The following RIMBP2 variants were observed in gnomAD, a reference collection of about 807,000 sequenced individuals.
The protein encoded by RIMBP2 is RIMS binding protein 2.
A neutral mutation model predicts 118.6 loss-of-function variants in RIMBP2; 48 were observed. The ratio of observed to expected loss-of-function variants is 0.40; its 90% CI spans 0.32 to 0.51. The LOEUF is 0.51. Ranked by LOEUF, RIMBP2 falls within the 20% of genes least tolerant of loss-of-function variation. RIMBP2 has a pLI of 0.41. For synonymous variants in RIMBP2, 762 were observed against 742.9 expected (o/e 1.03, Z -0.42); for missense variants, 1,551 against 1,768.3 (o/e 0.88, Z 2.20).
chr12:130,649,298 A>T (rs377164823), intron 1 of RIMBP2, among the ~76,000 whole-genome samples: 1 of 152,030 alleles, frequency 6.6e-6, no homozygotes, highest in East Asian at 1.9e-4. Flanking sequence ...CGGAGAGATG[A>T]GTGCTCCCGG....
chr12:130,647,218 C>T (rs562314464), intron 1 of RIMBP2, among the ~76,000 whole-genome samples: 61 of 152,234 alleles, frequency 4.0e-4, no homozygotes, highest in African/African-American at 1.4e-3. Context: ...CAAAAATTAG[C>T]GAGGCGTGAT....
At chr12:130,712,563 C>T (rs1037777279) in intron 1 of RIMBP2, among the ~76,000 whole-genome samples, 4 of 152,200 alleles carry the variant, frequency 2.6e-5, no homozygotes, top group Admixed American at 2.0e-4. Flanking sequence ...TCGCCTCCCA[C>T]GATGGCCATG....
intron 1 of RIMBP2, among the ~76,000 whole-genome samples, chr12:130,639,588 A>G (rs1430058030): frequency 6.6e-6 from 1 of 150,898 alleles, no homozygotes; most frequent in African/African-American, 2.4e-5. Context: ...TCTTTTGTAC[A>G]CAGCAAGTGT....
At chr12:130,634,337 T>A (rs1184589891) in intron 1 of RIMBP2, among the ~76,000 whole-genome samples, 1 of 151,896 alleles carries the variant, frequency 6.6e-6, no homozygotes, top group Non-Finnish European at 1.5e-5. Context: ...AAACGCGGAG[T>A]GAGGAAGCGG....
chr12:130,634,330 C>T (rs1359811855), intron 1 of RIMBP2, among the ~76,000 whole-genome samples: 3 of 152,160 alleles, frequency 2.0e-5, no homozygotes, highest in South Asian at 2.1e-4. Context: ...AAGCAAGAAA[C>T]GCGGAGTGAG....
chr12:130,499,341 G>T (rs751280822), intron 4 of RIMBP2, among the ~76,000 whole-genome samples: 5 of 152,200 alleles, frequency 3.3e-5, no homozygotes, highest in Admixed American at 6.5e-5. Context: ...GTATACCTCT[G>T]TGCGGTCTCC....
At chr12:130,438,335 A>ACCCACCCCCCCCCC in intron 12 of RIMBP2, 30 bp downstream of exon 12, 12 of 864,892 alleles carry the variant, frequency 1.4e-5, no homozygotes, top group Non-Finnish European at 2.1e-5. Flanking sequence ...GGCCTAACAA[A>ACCCACCCCCCCCCC]CCCTCCCCAC....
chr12:130,548,722 C>T (rs572443732), intron 2 of RIMBP2, among the ~76,000 whole-genome samples: 66 of 151,982 alleles, frequency 4.3e-4, no homozygotes, highest in Middle Eastern at 3.4e-3. Flanking sequence ...TACAGGCTCC[C>T]ACCACCGTGC....
intron 2 of RIMBP2, among the ~76,000 whole-genome samples, chr12:130,572,235 T>G (rs991329029): frequency 1.1e-5 from 1 of 88,262 alleles, no homozygotes; most frequent in Non-Finnish European, 3.2e-5. Flanking sequence ...AGGAGGGGCC[T>G]CCCACTGCAC....
intron 14 of RIMBP2, among the ~76,000 whole-genome samples, chr12:130,430,868 T>C (rs1188457625): frequency 2.6e-5 from 4 of 152,100 alleles, no homozygotes; most frequent in Non-Finnish European, 5.9e-5. Context: ...TGACCTCAAG[T>C]GATCCACCCG....
In RIMBP2 at chr12:130,436,881, C is replaced by A; in HGVS notation, c.2067G>T (p.Met689Ile). 1 of 1,572,934 alleles carries A rather than the reference C, an allele frequency of 6.4e-7. No individual in the cohort carries two copies. Residue 689 changes from methionine to isoleucine, a missense_variant, in exon 13 of 23, where the codon ATG becomes ATT. By Grantham distance (10) the Met-to-Ile change is conservative (BLOSUM62 1). Transcript: ENST00000690449. ...CCACCCTCTGCGCGGCCTCCCGGGCCATGGCCTTGGCGACGGTGGTGGACA... is the reference window on the plus strand; with the variant it reads ...CCACCCTCTGCGCGGCCTCCCGGGCAATGGCCTTGGCGACGGTGGTGGACA... ...TPVSTTVAKAMAREAAQRVAE... is the reference protein window; with the variant it reads ...TPVSTTVAKAIAREAAQRVAE...
rs989809077 is a variant in RIMBP2, at chr12:130,578,523, G to A, written c.-217+49799C>T. Among the ~76,000 whole-genome samples the A allele has an allele frequency of 5.3e-5, 8 of 152,142 alleles. No individual in the cohort carries two copies. The highest frequency in any genetic ancestry group is 8.8e-5 in the Non-Finnish European group (6 of 68,032). ...CAGACCTGTTCTCCTGGCCCCAGTC[G>A]TACATGCCTGTGTTCTGTTTCTCGA... On this transcript the variant is annotated intron_variant, in intron 2 of 22. Coordinates refer to ENST00000690449, the MANE Select transcript of RIMBP2 (RefSeq NM_001393629.1). This position sits in a 1 kb window ranked among gnomAD's most constrained non-coding sequence, Gnocchi z 4.1.
chr12:130,401,165 A>G (rs2074516787), intron 21 of RIMBP2, among the ~76,000 whole-genome samples: 2 of 151,910 alleles, frequency 1.3e-5, no homozygotes, highest in African/African-American at 4.8e-5. Flanking sequence ...ACCCAGGCTG[A>G]AGTGCAGTAG....
At chr12:130,706,416 C>G (rs1040597067) in intron 1 of RIMBP2, among the ~76,000 whole-genome samples, 4 of 152,366 alleles carry the variant, frequency 2.6e-5, no homozygotes, top group Middle Eastern at 3.4e-3. Flanking sequence ...CCGGAAGTAG[C>G]AGAGCAGAGA....
At chr12:130,565,635 TGCTAGTATCCCAACTACAAA>T (rs576897858) in intron 2 of RIMBP2, among the ~76,000 whole-genome samples, 50 of 152,346 alleles carry the variant, frequency 3.3e-4, no homozygotes, top group African/African-American at 1.2e-3. Context: ...CCGAGATTCC[TGCTAGTATCCCAACTACAAA>T]GCCCACTCCT....
chr12:130,517,781 G>A lies in RIMBP2; in HGVS notation c.-127+47C>T, dbSNP rs67167059. 15 of 830,674 alleles carry A rather than the reference G, an allele frequency of 1.8e-5. No homozygotes were observed. The East Asian group carries it at 4.9e-4, about 27-fold the overall frequency. 51.5% of individuals were successfully genotyped at this position (830,674 alleles called of 1,614,324 possible). On this transcript the variant is annotated intron_variant, in intron 3 of 22. Transcript: ENST00000690449. ...CAGTTGTTCCTCCCTGGCCCAGCCC[G>A]CTCCCTCCAGGGCCCCAGATGGTCT...
At chr12:130,597,089 T>C (rs905597482) in intron 2 of RIMBP2, among the ~76,000 whole-genome samples, 1 of 152,250 alleles carries the variant, frequency 6.6e-6, no homozygotes, top group African/African-American at 2.4e-5. Flanking sequence ...CAATTCATTC[T>C]TTGAGGCTAG....
intron 19 of RIMBP2, 142 bp downstream of exon 19, chr12:130,412,477 A>C: frequency 2.5e-6 from 2 of 805,964 alleles, no homozygotes; most frequent in Non-Finnish European, 3.9e-6. Flanking sequence ...GCCCAAGAAA[A>C]ATCACTGGTC....
In RIMBP2 at chr12:130,434,967, C is replaced by T; in HGVS notation, c.2107-87G>A. 3 of 1,427,332 alleles carry T rather than the reference C, an allele frequency of 2.1e-6. No individual in the cohort carries two copies. Among genetic ancestry groups the T allele is most frequent in the Non-Finnish European group, 1.9e-6 (2 of 1,063,594 alleles). The allele number at this position is 1,427,332 out of a possible 1,614,324, so 88.4% of individuals were successfully genotyped here. On this transcript the variant is annotated intron_variant, in intron 13 of 22. Coordinates refer to ENST00000690449, the MANE Select transcript of RIMBP2 (RefSeq NM_001393629.1). The surrounding 1 kb of genome is among the most constrained non-coding windows in gnomAD (Gnocchi z 5.7). ...ACCTGCATTCACCAAACCTTCAGCC[C>T]CTCAGAGCCTGGCCAGGCACCCCCC...
Sources: gnomAD v4.1 joint callset for allele counts (sites outside exome capture counted in the v4.1 genomes callset) on GRCh38, gnomAD v4.1.1 for gene constraint, Gnocchi (gnomAD v3.1) non-coding constraint, MANE v1.5 for transcripts, NCBI Gene and HGNC (gene_info 2026-07-23, HGNC 2026-07-21) for gene names.